CCDC7: variants seen among roughly 807,000 people sequenced by gnomAD.
CCDC7 encodes the protein coiled-coil domain-containing protein 7.
In CCDC7, 183 loss-of-function variants were observed where a neutral mutation model predicts 196.9. The observed-to-expected ratio is 0.93, with a 90% CI of 0.82 to 1.05. CCDC7 has a LOEUF of 1.05. Ranked by LOEUF, CCDC7 falls within the 50% of genes least tolerant of loss-of-function variation. The pLI, the probability that CCDC7 is intolerant of heterozygous loss-of-function variation, is 0.00. For synonymous variants in CCDC7, 525 were observed against 484.6 expected (o/e 1.08, Z -1.10); for missense variants, 1,540 against 1,482.2 (o/e 1.04, Z -0.64).
At chr10:32,674,848 G>T (rs1244801243) in intron 21 of CCDC7, among the ~76,000 whole-genome samples, 1 of 151,908 alleles carries the variant, frequency 6.6e-6, no homozygotes, top group Non-Finnish European at 1.5e-5. Flanking sequence ...TTTGTGTGGT[G>T]ACCTTTTTTT....
At chr10:32,767,903 T>G (rs1182503026) in intron 28 of CCDC7, among the ~76,000 whole-genome samples, 2 of 152,072 alleles carry the variant, frequency 1.3e-5, no homozygotes, top group African/African-American at 4.8e-5. Context: ...CAGAGAAATT[T>G]AACAAAGAGA....
At chr10:32,779,966 G>T (rs1001082832) in intron 29 of CCDC7, among the ~76,000 whole-genome samples, 1 of 152,150 alleles carries the variant, frequency 6.6e-6, no homozygotes, top group African/African-American at 2.4e-5. Flanking sequence ...TAGGCTGGGC[G>T]CAGTGGCTCA....
At chr10:32,483,908 A>T (rs1402628884) in intron 8 of CCDC7, among the ~76,000 whole-genome samples, 2 of 152,258 alleles carry the variant, frequency 1.3e-5, no homozygotes, top group South Asian at 2.1e-4. Context: ...GCCTTGTAGT[A>T]TAGTTGGAAG....
chr10:32,631,151 T>C (rs2064806230), intron 18 of CCDC7, among the ~76,000 whole-genome samples: 1 of 152,212 alleles, frequency 6.6e-6, no homozygotes, highest in Admixed American at 6.5e-5. Context: ...CAAAAAAAAT[T>C]TTAATTGTGA....
rs1264782247 is a variant in CCDC7, at chr10:32,764,210, C to T, written c.2906-14767C>T. ...TCTGATTCTCCCCAAGACTCACCCC[C>T]ACCACCCTCTTTTGCTTGTAGACCT... On this transcript the variant is annotated intron_variant, in intron 28 of 41. Transcript: ENST00000639629. Among the ~76,000 whole-genome samples the T allele has an allele frequency of 9.9e-5, 15 of 151,536 alleles. 1 individual carries two copies. The highest frequency in any genetic ancestry group is 1.9e-4 in the Non-Finnish European group (13 of 67,844).
At chr10:32,599,202 T>C (rs117885613) in intron 18 of CCDC7, among the ~76,000 whole-genome samples, 1,558 of 152,332 alleles carry the variant, frequency 0.01, 15 homozygotes, top group Non-Finnish European at 0.017. Context: ...AAAGTCTGTT[T>C]TGTTTGATAT....
At chr10:32,675,298 A>G (rs1292558634) in intron 21 of CCDC7, among the ~76,000 whole-genome samples, 2 of 68,844 alleles carry the variant, frequency 2.9e-5, no homozygotes, top group Admixed American at 1.4e-4. Context: ...TGATTACCAT[A>G]AAGTTAAAAT....
At chr10:32,870,499 G>T (rs1460662768) in intron 41 of CCDC7, among the ~76,000 whole-genome samples, 7 of 152,140 alleles carry the variant, frequency 4.6e-5, no homozygotes, top group African/African-American at 1.4e-4. Context: ...ATTTTGGGCT[G>T]AGATGATGGG....
intron 17 of CCDC7, among the ~76,000 whole-genome samples, chr10:32,584,007 C>G (rs1432063693): frequency 6.6e-6 from 1 of 152,102 alleles, no homozygotes; most frequent in Non-Finnish European, 1.5e-5. Context: ...GGGCACCCTC[C>G]TTGCTATTCA....
chr10:32,847,938 CTA>C (rs1240561776), intron 38 of CCDC7, 22 bp downstream of exon 39: 1 of 1,427,960 alleles, frequency 7.0e-7, no homozygotes, highest in East Asian at 2.3e-5. Flanking sequence ...AATTTTAAGT[CTA>C]ATATTTACAG....
intron 16 of CCDC7, 124 bp from the exon 18 acceptor site, chr10:32,582,910 C>G (rs2058879647): frequency 1.8e-6 from 1 of 545,432 alleles, no homozygotes; most frequent in African/African-American, 2.0e-5. Flanking sequence ...ATTGGAATAA[C>G]CATAAACTAA....
At chr10:32,611,214 A>G (rs1366201087) in intron 18 of CCDC7, among the ~76,000 whole-genome samples, 2 of 152,156 alleles carry the variant, frequency 1.3e-5, no homozygotes, top group Non-Finnish European at 2.9e-5. Flanking sequence ...CCGCATAAAT[A>G]TCTTCTTTTG....
chr10:32,677,300 G>A (rs1032833916), intron 21 of CCDC7, among the ~76,000 whole-genome samples: 3 of 151,576 alleles, frequency 2.0e-5, no homozygotes, highest in Non-Finnish European at 4.4e-5. Context: ...CACCAGCATG[G>A]CACATGTATA....
intron 41 of CCDC7, among the ~76,000 whole-genome samples, chr10:32,861,131 A>AAAG (rs1555202661): frequency 3.2e-4 from 47 of 148,752 alleles, no homozygotes; most frequent in African/African-American, 1.1e-3. Context: ...AAAAAAAAAA[A>AAAG]AAAGAAAGCT....
chr10:32,471,252 A>G, intron 6 of CCDC7, 22 bp downstream of exon 7: 1 of 1,598,414 alleles, frequency 6.3e-7, no homozygotes, highest in South Asian at 1.1e-5. Flanking sequence ...ATAAGAACTA[A>G]TTGAATTAAA....
intron 30 of CCDC7, among the ~76,000 whole-genome samples, chr10:32,810,953 A>T (rs1422263453): frequency 6.6e-6 from 1 of 152,066 alleles, no homozygotes; most frequent in Non-Finnish European, 1.5e-5. Flanking sequence ...GGAAATCAAA[A>T]AATGCTTGAA....
chr10:32,729,198 T>A, intron 27 of CCDC7, 134 bp from the exon 29 acceptor site: 1 of 920,524 alleles, frequency 1.1e-6, no homozygotes, highest in Non-Finnish European at 1.6e-6. Context: ...TAATTATAAG[T>A]AGTATCACTG....
chr10:32,704,003 C>T (rs1020787140), intron 24 of CCDC7, among the ~76,000 whole-genome samples: 1 of 152,008 alleles, frequency 6.6e-6, no homozygotes, highest in African/African-American at 2.4e-5. Context: ...CTGAAGCCTT[C>T]TTCTCTCAAC....
At chr10:32,882,853 T>C (rs575227521) in exon 23 of CCDC7, 5 of 152,276 alleles carry the variant, frequency 3.3e-5, no homozygotes, top group African/African-American at 1.2e-4. Context: ...TAAACAAAAC[T>C]TGTGCTCTGC....
Sources: gnomAD v4.1 joint callset for allele counts (sites outside exome capture counted in the v4.1 genomes callset) on GRCh38, gnomAD v4.1.1 for gene constraint, MANE v1.5 for transcripts, NCBI Gene and HGNC (gene_info 2026-07-23, HGNC 2026-07-21) for gene names.